Variants in ZFPM2 observed in about 807,000 individuals in gnomAD.
ZFPM2 encodes the protein zinc finger protein ZFPM2.
ZFPM2 carries 20 observed loss-of-function variants against 98.6 expected under a neutral mutation model. The observed-to-expected ratio is 0.20, with a 90% CI of 0.14 to 0.29. The LOEUF is 0.29. Ranked by LOEUF, ZFPM2 falls within the 10% of genes least tolerant of loss-of-function variation. ZFPM2 has a pLI of 1.00. For synonymous variants in ZFPM2, 518 were observed against 502.7 expected (o/e 1.03, Z -0.41); for missense variants, 1,310 against 1,388.6 (o/e 0.94, Z 0.90).
At chr8:105,744,901 G>A (rs763842420) in intron 5 of ZFPM2, among the ~76,000 whole-genome samples, 1 of 152,126 alleles carries the variant, frequency 6.6e-6, no homozygotes, top group Admixed American at 6.6e-5. Context: ...ACAACTTCAT[G>A]TAGGAATTGT....
chr8:105,803,265 G>GAAC lies in ZFPM2; in HGVS notation c.3185_3187dup (p.Asn1062dup), dbSNP rs757667848. ...GACCTGCTGCCAACCCACAGCAAGA[G>GAAC]AACATTTCCCAGAATCCTCAGCACG... is the stretch of plus-strand genomic sequence containing the variant. On this transcript the variant is annotated inframe_insertion, in exon 8 of 8. Transcript: ENST00000407775. 76 of 1,600,072 alleles carry GAAC rather than the reference G, an allele frequency of 4.7e-5. No homozygotes were observed. The highest frequency in any genetic ancestry group is 6.5e-5 in the Non-Finnish European group (76 of 1,172,474).
intron 2 of ZFPM2, among the ~76,000 whole-genome samples, chr8:105,419,877 A>T (rs897401650): frequency 6.6e-6 from 1 of 152,008 alleles, no homozygotes; most frequent in African/African-American, 2.4e-5. Context: ...GACATATCAC[A>T]GCTTATTTCC....
intron 3 of ZFPM2, among the ~76,000 whole-genome samples, chr8:105,512,934 A>G (rs1813846827): frequency 6.6e-6 from 1 of 152,252 alleles, no homozygotes; most frequent in African/African-American, 2.4e-5. Context: ...CACCTTTTAA[A>G]TGTAGAAATA....
chr8:105,357,682 A>G (rs997019608), intron 1 of ZFPM2, among the ~76,000 whole-genome samples: 19 of 152,318 alleles, frequency 1.2e-4, no homozygotes, highest in Non-Finnish European at 1.9e-4. Flanking sequence ...TTAAAAAACA[A>G]TTACCAGTAA....
At chr8:105,697,846 T>C (rs1454796205) in intron 5 of ZFPM2, among the ~76,000 whole-genome samples, 8 of 152,156 alleles carry the variant, frequency 5.3e-5, no homozygotes, top group Admixed American at 3.3e-4. Context: ...TTAACTGTTA[T>C]TCTTCTGCCA....
intron 1 of ZFPM2, among the ~76,000 whole-genome samples, chr8:105,339,405 A>G (rs1277794355): frequency 2.0e-5 from 3 of 151,966 alleles, no homozygotes; most frequent in African/African-American, 7.2e-5. Flanking sequence ...ACATTCCAAT[A>G]GCAGCCAAAA....
intron 1 of ZFPM2, among the ~76,000 whole-genome samples, chr8:105,408,198 G>C (rs1006874692): frequency 7.9e-5 from 12 of 151,938 alleles, no homozygotes; most frequent in African/African-American, 2.9e-4. Context: ...ATTCTCCAGA[G>C]AGTAAGTGTT....
intron 4 of ZFPM2, among the ~76,000 whole-genome samples, chr8:105,630,200 T>C (rs1352553130): frequency 6.6e-6 from 1 of 152,230 alleles, no homozygotes; most frequent in Non-Finnish European, 1.5e-5. Flanking sequence ...AGCTTCTAGC[T>C]CTTAGCATTC....
chr8:105,334,118 CTGTGTGTGTGTGTGTGTG>C (rs71305145), intron 1 of ZFPM2, among the ~76,000 whole-genome samples: 37 of 120,452 alleles, frequency 3.1e-4, no homozygotes, highest in African/African-American at 1.1e-3. Flanking sequence ...TAGTAATAAA[CTGTGTGTGTGTGTGTGTG>C]TGTGTGTGTG....
intron 3 of ZFPM2, among the ~76,000 whole-genome samples, chr8:105,525,347 T>C (rs1390563490): frequency 1.3e-5 from 2 of 152,196 alleles, no homozygotes; most frequent in South Asian, 2.1e-4. Context: ...TTACCAAGTT[T>C]CTTCGAAAAC....
chr8:105,653,887 T>G (rs1381917115), intron 5 of ZFPM2, among the ~76,000 whole-genome samples: 1 of 88,876 alleles, frequency 1.1e-5, no homozygotes, highest in East Asian at 3.5e-4. Context: ...TTTTTTTTTT[T>G]GGCACTCCCT....
chr8:105,459,253 TAATTCTTGTTAATTATGCAAATAC>T (rs1812659377), intron 3 of ZFPM2, among the ~76,000 whole-genome samples: 1 of 152,130 alleles, frequency 6.6e-6, no homozygotes, highest in South Asian at 2.1e-4. Context: ...CCCAGCTGAG[TAATTCTTGTTAATTATGCAAATAC>T]AAGACAAATA....
chr8:105,744,983 C>T (rs773304674), intron 5 of ZFPM2, among the ~76,000 whole-genome samples: 12 of 152,118 alleles, frequency 7.9e-5, no homozygotes, highest in South Asian at 2.1e-4. Context: ...GGAGCAGTAA[C>T]GGTTATAGAA....
At chr8:105,541,291 A>G (rs145548096) in intron 3 of ZFPM2, among the ~76,000 whole-genome samples, 6 of 152,300 alleles carry the variant, frequency 3.9e-5, no homozygotes, top group African/African-American at 1.4e-4. Context: ...TCAATTTTAT[A>G]GATGAGGACC....
intron 2 of ZFPM2, among the ~76,000 whole-genome samples, chr8:105,439,847 A>G (rs1812200216): frequency 6.6e-6 from 1 of 152,194 alleles, no homozygotes; most frequent in African/African-American, 2.4e-5. Flanking sequence ...TCCCTGAATT[A>G]GCTCCCAGAG....
intron 1 of ZFPM2, among the ~76,000 whole-genome samples, chr8:105,393,109 T>TA (rs1811140244): frequency 6.6e-6 from 1 of 152,186 alleles, no homozygotes; most frequent in Non-Finnish European, 1.5e-5. Flanking sequence ...GTAACATCTG[T>TA]AATTTTTTTA....
intron 3 of ZFPM2, among the ~76,000 whole-genome samples, chr8:105,467,488 A>C (rs1343290647): frequency 2.0e-5 from 3 of 152,078 alleles, no homozygotes; most frequent in African/African-American, 7.2e-5. Context: ...GCGAGTTAGG[A>C]ATCTTTACTG....
chr8:105,336,573 A>T (rs528313609), intron 1 of ZFPM2, among the ~76,000 whole-genome samples: 1 of 151,792 alleles, frequency 6.6e-6, no homozygotes, highest in Non-Finnish European at 1.5e-5. Context: ...TTTTGCTCAA[A>T]TCACCCTAAA....
intron 5 of ZFPM2, among the ~76,000 whole-genome samples, chr8:105,714,047 G>A (rs966272064): frequency 1.3e-5 from 2 of 152,002 alleles, no homozygotes; most frequent in African/African-American, 4.8e-5. Flanking sequence ...ATTGTTTTGG[G>A]CAGTATGGAC....
Sources: gnomAD v4.1 joint callset for allele counts (sites outside exome capture counted in the v4.1 genomes callset) on GRCh38, gnomAD v4.1.1 for gene constraint, MANE v1.5 for transcripts, NCBI Gene and HGNC (gene_info 2026-07-23, HGNC 2026-07-21) for gene names.